FNDC3B: variants seen among roughly 807,000 people sequenced by gnomAD.
FNDC3B encodes fibronectin type III domain-containing protein 3B.
A neutral mutation model predicts 151.5 loss-of-function variants in FNDC3B; 12 were observed. That is an observed-to-expected ratio of 0.08 (90% CI 0.05 to 0.13). The LOEUF is 0.13. Ranked by LOEUF, FNDC3B falls within the 10% of genes least tolerant of loss-of-function variation. FNDC3B has a pLI of 1.00. For missense variants in FNDC3B, 1,214 were observed against 1,505.3 expected (o/e 0.81, Z 3.20); for synonymous variants, 528 against 549.0 (o/e 0.96, Z 0.54).
chr3:172,372,686 G>A (rs1423743429), intron 23 of FNDC3B, among the ~76,000 whole-genome samples: 2 of 152,120 alleles, frequency 1.3e-5, no homozygotes, highest in Non-Finnish European at 2.9e-5. Context: ...AGCCTGGGGA[G>A]AGGCCTATAT....
intron 22 of FNDC3B, among the ~76,000 whole-genome samples, chr3:172,361,819 G>A (rs1463095337): frequency 6.6e-6 from 1 of 152,050 alleles, no homozygotes; most frequent in Non-Finnish European, 1.5e-5. Flanking sequence ...GGGACCACAG[G>A]CATGTGTCAC....
intron 4 of FNDC3B, among the ~76,000 whole-genome samples, chr3:172,239,758 T>C (rs183169992): frequency 6.8e-6 from 1 of 147,444 alleles, no homozygotes; most frequent in East Asian, 1.9e-4. Flanking sequence ...AGGAACTATC[T>C]TTTCTGTTAG....
At chr3:172,042,200 C>T (rs1716120324) in intron 1 of FNDC3B, among the ~76,000 whole-genome samples, 1 of 152,218 alleles carries the variant, frequency 6.6e-6, no homozygotes, top group South Asian at 2.1e-4. Flanking sequence ...AAAGATATTC[C>T]GGTAATCTTT....
At chr3:172,370,146 G>T (rs1296560640) in intron 23 of FNDC3B, among the ~76,000 whole-genome samples, 1 of 148,664 alleles carries the variant, frequency 6.7e-6, no homozygotes, top group East Asian at 1.9e-4. Flanking sequence ...AGTTGGCCTA[G>T]GGATTATAAG....
rs1458357487 is a variant in FNDC3B, at chr3:172,352,955, C to T, written c.2667C>T (p.Asn889=). Residue 889 remains asparagine, a synonymous_variant, in exon 22 of 26, where the codon AAC becomes AAT. Coordinates refer to ENST00000415807, the MANE Select transcript of FNDC3B (RefSeq NM_022763.4). The surrounding 1 kb of genome is among the most constrained non-coding windows in gnomAD (Gnocchi z 4.2). The part of the protein sequence containing the change: ...PDSPSACLVL[N]WEEPCNNGSE... ...CACCTTCTGCGTGCCTTGTACTGAA[C>T]TGGGAAGAGCCGTGCAATAACGGAT... 1.9e-6 allele frequency: 3 copies of T among 1,614,206 alleles called. No individual in the cohort carries two copies. The highest frequency in any genetic ancestry group is 2.5e-6 in the Non-Finnish European group (3 of 1,180,040).
chr3:172,362,252 C>T (rs543641049), intron 22 of FNDC3B, among the ~76,000 whole-genome samples: 4 of 152,274 alleles, frequency 2.6e-5, no homozygotes, highest in African/African-American at 4.8e-5. Context: ...TCATTTGTTC[C>T]CCCATTTCAT....
At chr3:172,396,521 T>C (rs2108400307) in intron 25 of FNDC3B, among the ~76,000 whole-genome samples, 1 of 152,278 alleles carries the variant, frequency 6.6e-6, no homozygotes, top group African/African-American at 2.4e-5. Flanking sequence ...ATTTATAGTC[T>C]AAATCAGGGG....
intron 25 of FNDC3B, among the ~76,000 whole-genome samples, chr3:172,390,528 C>T (rs1174220901): frequency 6.6e-6 from 1 of 150,470 alleles, no homozygotes; most frequent in East Asian, 1.9e-4. Context: ...ATTAAATATA[C>T]GTTTGGGCTC....
chr3:172,166,835 TG>T (rs1723026250), intron 3 of FNDC3B, among the ~76,000 whole-genome samples: 1 of 25,122 alleles, frequency 4.0e-5, no homozygotes, highest in Non-Finnish European at 7.9e-5. Flanking sequence ...GGCGGGTGGG[TG>T]GGGGGAGGGG....
At chr3:172,175,059 CCCTG>C (rs1723512064) in intron 3 of FNDC3B, among the ~76,000 whole-genome samples, 1 of 151,424 alleles carries the variant, frequency 6.6e-6, no homozygotes, top group Non-Finnish European at 1.5e-5. Flanking sequence ...CTGACCAGGC[CCCTG>C]CTGCTTTTGC....
chr3:172,347,277 C>T lies in FNDC3B; in HGVS notation c.2430C>T (p.Ser810=). The change falls in exon 21 of 26, where the codon TCC becomes TCT. Residue 810 remains serine, a synonymous_variant. Coordinates refer to ENST00000415807, the MANE Select transcript of FNDC3B (RefSeq NM_022763.4). The part of the protein sequence containing the change: ...YRLEWGEDEE[S]LELIYHGTDT... ...TGGAATGGGGAGAAGATGAAGAATC[C>T]TTAGAACTCATTTATCATGGGACAG... 6.2e-7 allele frequency: 1 copy of T among 1,613,924 alleles called. No individual in the cohort carries two copies. Among genetic ancestry groups the T allele is most frequent in the Non-Finnish European group, 8.5e-7 (1 of 1,179,916 alleles).
At chr3:172,317,350 A>AT (rs537457511) in intron 11 of FNDC3B, 220 of 287,914 alleles carry the variant, frequency 7.6e-4, no homozygotes, top group African/African-American at 4.9e-3. Context: ...CGCCCAGCTA[A>AT]TTTTTTTGTA....
At chr3:172,083,302 T>C (rs1437841005) in intron 1 of FNDC3B, among the ~76,000 whole-genome samples, 1 of 152,242 alleles carries the variant, frequency 6.6e-6, no homozygotes, top group Non-Finnish European at 1.5e-5. Context: ...CTTGCCTCCA[T>C]GTCCCACAGG....
intron 3 of FNDC3B, among the ~76,000 whole-genome samples, chr3:172,199,936 CTT>C (rs903373117): frequency 1.1e-4 from 16 of 152,324 alleles, no homozygotes; most frequent in African/African-American, 3.6e-4. Context: ...TCTCTGCGCG[CTT>C]TTGTGTTTCG....
chr3:172,273,613 G>T (rs1228876472), intron 6 of FNDC3B, among the ~76,000 whole-genome samples: 1 of 152,188 alleles, frequency 6.6e-6, no homozygotes, highest in African/African-American at 2.4e-5. Flanking sequence ...TCATCCAGTG[G>T]CTGCTAGGAA....
intron 21 of FNDC3B, 79 bp downstream of exon 21, chr3:172,347,440 T>C (rs1010180102): frequency 2.7e-5 from 31 of 1,165,460 alleles, no homozygotes; most frequent in Non-Finnish European, 3.6e-5. Flanking sequence ...ACTCAAAGGC[T>C]TGTGGTGGAG....
intron 23 of FNDC3B, 60 bp downstream of exon 23, chr3:172,362,905 C>A (rs1303648556): frequency 3.1e-6 from 4 of 1,297,400 alleles, no homozygotes; most frequent in Non-Finnish European, 4.4e-6. Flanking sequence ...GGGATGAAAT[C>A]TCAATTGTAC....
chr3:172,115,893 A>G (rs1720223961), intron 2 of FNDC3B, among the ~76,000 whole-genome samples: 1 of 152,234 alleles, frequency 6.6e-6, no homozygotes, highest in Non-Finnish European at 1.5e-5. Flanking sequence ...CTATATATGC[A>G]AAAGAACTAC....
At chr3:172,276,816 A>C (rs1418531536) in intron 6 of FNDC3B, among the ~76,000 whole-genome samples, 1 of 152,194 alleles carries the variant, frequency 6.6e-6, no homozygotes, top group African/African-American at 2.4e-5. Flanking sequence ...CTGCTCCAAA[A>C]ATGTCAACTT....
Sources: allele counts gnomAD v4.1 joint callset (sites outside exome capture counted in the v4.1 genomes callset), GRCh38; gene constraint gnomAD v4.1.1; non-coding constraint Gnocchi (gnomAD v3.1); transcripts MANE v1.5; gene names NCBI Gene and HGNC (gene_info 2026-07-23, HGNC 2026-07-21).